Variants in DMD observed in about 807,000 individuals in gnomAD.
The protein encoded by DMD is dystrophin, also known as mutant dystrophin.
A neutral mutation model predicts 330.1 loss-of-function variants in DMD; 63 were observed. That is an observed-to-expected ratio of 0.19 (90% CI 0.16 to 0.24). The LOEUF (loss-of-function observed/expected upper bound fraction) is 0.24. DMD is among the 10% of genes least tolerant of loss of function. DMD has a pLI of 1.00. For missense variants in DMD, 3,344 were observed against 2,684.1 expected (o/e 1.25, Z -5.43); for synonymous variants, 1,223 against 959.8 (o/e 1.27, Z -5.07).
intron 63 of DMD, among the ~76,000 whole-genome samples, chrX:31,254,815 G>C (rs1048342663): frequency 6.3e-5 from 7 of 110,818 alleles, no homozygotes; most frequent in African/African-American, 2.3e-4. Flanking sequence ...CAAGGTGGGA[G>C]GATCGCTTGA....
chrX:32,665,260 G>A (rs1187332714), intron 9 of DMD, among the ~76,000 whole-genome samples: 4 of 111,415 alleles, frequency 3.6e-5, no homozygotes, highest in African/African-American at 9.8e-5. Flanking sequence ...GTAGTGTACC[G>A]AGAATTAAGA....
intron 43 of DMD, among the ~76,000 whole-genome samples, chrX:32,243,673 T>C (rs1187938423): frequency 2.7e-5 from 3 of 111,775 alleles, no homozygotes; most frequent in Non-Finnish European, 5.6e-5. Flanking sequence ...GTGAACAATA[T>C]ATTTCATTTA....
At chrX:32,169,024 T>A (rs1427098610) in intron 44 of DMD, among the ~76,000 whole-genome samples, 1 of 112,076 alleles carries the variant, frequency 8.9e-6, no homozygotes, top group Non-Finnish European at 1.9e-5. Flanking sequence ...TCCTTGATTG[T>A]CCCAGGTGGA....
chrX:31,280,195 C>G, intron 62 of DMD, among the ~76,000 whole-genome samples: 1 of 111,850 alleles, frequency 8.9e-6, no homozygotes, highest in Non-Finnish European at 1.9e-5. Flanking sequence ...CACATATAAC[C>G]TGGGAAGTTA....
At chrX:32,639,136 A>T (rs759584667) in intron 11 of DMD, among the ~76,000 whole-genome samples, 8 of 112,087 alleles carry the variant, frequency 7.1e-5, no homozygotes, top group Admixed American at 6.6e-4. Context: ...CCTAACTACA[A>T]TTATCAGAAA....
chrX:32,644,848 T>A (rs1016764765), intron 10 of DMD, 116 bp downstream of exon 10: 1 of 896,298 alleles, frequency 1.1e-6, no homozygotes, highest in Admixed American at 2.4e-5. Context: ...CCCAAGCACA[T>A]CATAGTAACT....
intron 19 of DMD, among the ~76,000 whole-genome samples, chrX:32,496,325 T>C (rs2043481032): frequency 8.9e-6 from 1 of 111,833 alleles, no homozygotes; most frequent in African/African-American, 3.2e-5. Flanking sequence ...GTGAGGGTTA[T>C]TACAAGTCCA....
intron 9 of DMD, among the ~76,000 whole-genome samples, chrX:32,655,418 G>A (rs2060490995): frequency 8.9e-6 from 1 of 112,274 alleles, no homozygotes; most frequent in South Asian, 3.7e-4. Flanking sequence ...TCAGCAGCAG[G>A]TTGTTCAGTT....
chrX:31,369,750 A>G (rs1238233175), intron 60 of DMD, among the ~76,000 whole-genome samples: 2 of 111,695 alleles, frequency 1.8e-5, no homozygotes, highest in African/African-American at 6.5e-5. Flanking sequence ...CCTTACTTCA[A>G]TAATCAAGCC....
At chrX:32,438,534 A>T (rs1420736142) in intron 28 of DMD, 144 bp from the exon 29 acceptor site, 3 of 695,858 alleles carry the variant, frequency 4.3e-6, no homozygotes, top group Non-Finnish European at 6.5e-6. Flanking sequence ...TAAAAACACC[A>T]AGGAGCATTT....
At position 33,010,026 on chromosome X, in the gene DMD, G is replaced by A. The variant is rs1283166995; in HGVS notation, c.93+10113C>T. ...TGTATGTGTATATACACATATGTGT[G>A]TACATGTGTATATACACATGTGTAT... On this transcript the variant is annotated intron_variant, in intron 2 of 78. Coordinates refer to ENST00000357033, the MANE Select transcript of DMD (RefSeq NM_004006.3). Among the ~76,000 whole-genome samples the A allele has an allele frequency of 6.1e-4, 19 of 30,944 alleles. 1 individual carries two copies. The highest frequency in any genetic ancestry group is 2.4e-3 in the African/African-American group (17 of 6,962). 26.9% of individuals were successfully genotyped at this position (30,944 alleles called of 115,157 possible).
In DMD at chrX:31,846,821, GATAGGATCAGGAGTCTGCTTTGACAACT is replaced by G. The variant is rs1397410999; in HGVS notation, c.7099-10030_7099-10003del. On this transcript the variant is annotated intron_variant, in intron 48 of 78. Coordinates refer to ENST00000357033, the MANE Select transcript of DMD (RefSeq NM_004006.3). Reference sequence around the variant, plus strand: ...ACTACTCAGAAGGCACTGGCAGATAGATAGGATCAGGAGTCTGCTTTGACAACTACAAGGAATTTCCTTAAGACATCCA... The same window carrying G: ...ACTACTCAGAAGGCACTGGCAGATAGACAAGGAATTTCCTTAAGACATCCA... Among the ~76,000 whole-genome samples the G allele has an allele frequency of 5.4e-5, 6 of 111,783 alleles. No individual in the cohort carries two copies. The Admixed American group carries it at 5.7e-4, about 11-fold the overall frequency.
intron 44 of DMD, among the ~76,000 whole-genome samples, chrX:32,135,732 T>C (rs1220170851): frequency 4.5e-5 from 5 of 112,196 alleles, no homozygotes; most frequent in Non-Finnish European, 9.4e-5. Context: ...AAAAATGTGA[T>C]CCACAAAAAA....
chrX:32,870,984 A>AAAAGAAAG (rs2082941174), intron 2 of DMD, among the ~76,000 whole-genome samples: 1 of 47,229 alleles, frequency 2.1e-5, no homozygotes, highest in African/African-American at 6.4e-5. Flanking sequence ...AAAAAAAAAA[A>AAAAGAAAG]AAAACCACAA....
chrX:32,183,131 C>A (rs1170045953), intron 44 of DMD, among the ~76,000 whole-genome samples: 5 of 111,399 alleles, frequency 4.5e-5, no homozygotes, highest in Non-Finnish European at 5.7e-5. Context: ...TAGATCTTTT[C>A]CTCAAACCAT....
At chrX:32,517,886 T>C (rs1267951675) in intron 18 of DMD, 122 bp downstream of exon 18, 2 of 808,897 alleles carry the variant, frequency 2.5e-6, no homozygotes, top group Non-Finnish European at 3.7e-6. Context: ...TTTTAAGACA[T>C]ATTAAACAGC....
intron 9 of DMD, among the ~76,000 whole-genome samples, chrX:32,693,593 C>G (rs1297810647): frequency 9.0e-6 from 1 of 111,236 alleles, no homozygotes; most frequent in Non-Finnish European, 1.9e-5. Context: ...GTGTGTGCCA[C>G]CACACTCGCT....
At chrX:32,457,383 G>C (rs187343574) in intron 25 of DMD, among the ~76,000 whole-genome samples, 65 of 110,921 alleles carry the variant, frequency 5.9e-4, no homozygotes, top group Admixed American at 4.6e-3. Context: ...TTGCTAGAGA[G>C]ATTGTTGTCC....
intron 13 of DMD, among the ~76,000 whole-genome samples, chrX:32,591,667 G>A (rs1306470860): frequency 8.9e-6 from 1 of 112,301 alleles, no homozygotes; most frequent in Non-Finnish European, 1.9e-5. Flanking sequence ...GGCCAGGGCT[G>A]TGCACTGTGT....
Sources: gnomAD v4.1 joint callset for allele counts (sites outside exome capture counted in the v4.1 genomes callset) on GRCh38, gnomAD v4.1.1 for gene constraint, MANE v1.5 for transcripts, NCBI Gene and HGNC (gene_info 2026-07-23, HGNC 2026-07-21) for gene names.